Variants in LYST observed in about 807,000 individuals in gnomAD.
LYST encodes lysosomal-trafficking regulator.
In LYST, 192 loss-of-function variants were observed where a neutral mutation model predicts 413.6. That is an observed-to-expected ratio of 0.46 (90% confidence interval 0.41 to 0.52). The LOEUF (loss-of-function observed/expected upper bound fraction) is 0.52, where lower values mean the gene tolerates loss of function less well. Ranked by LOEUF, LYST falls within the 20% of genes least tolerant of loss-of-function variation. The probability of loss-of-function intolerance (pLI) is 0.00; values close to 1 mark genes in which losing one functional copy is unlikely to be tolerated. For missense variants in LYST, 3,815 were observed against 4,499.9 expected (o/e 0.85, Z 4.35); for synonymous variants, 1,525 against 1,567.3 (o/e 0.97, Z 0.64).
intron 39 of LYST, 135 bp from the exon 40 acceptor site, chr1:235,721,040 A>G (rs1263572668): frequency 5.0e-6 from 4 of 801,568 alleles, no homozygotes; most frequent in Non-Finnish European, 6.1e-6. Context: ...TCTCAGTAAC[A>G]TTAATGGGTA....
intron 16 of LYST, among the ~76,000 whole-genome samples, chr1:235,778,121 A>ATATATTTT (rs1039912155): frequency 6.9e-5 from 10 of 145,256 alleles, no homozygotes; most frequent in African/African-American, 2.7e-4. Flanking sequence ...ATATATATAT[A>ATATATTTT]TTTTTGTAGA....
chr1:235,824,627 T>C lies in LYST; in HGVS notation c.192+5599A>G, dbSNP rs117763382. Among the ~76,000 whole-genome samples, 289 of 152,342 alleles carry C rather than the reference T, an allele frequency of 1.9e-3. 2 individuals carry two copies. The highest frequency in any genetic ancestry group is 0.018 in the East Asian group (92 of 5,194). ...CTTTAACCATTAAAAAGAATGTTTTTGATATTTAAAAAGAGTATTTTCCCC... is the reference window on the plus strand; with the variant it reads ...CTTTAACCATTAAAAAGAATGTTTTCGATATTTAAAAAGAGTATTTTCCCC... On this transcript the variant is annotated intron_variant, in intron 3 of 52. Coordinates refer to ENST00000389793, the MANE Select transcript of LYST (RefSeq NM_000081.4).
chr1:235,798,977 T>C (rs967140217), intron 10 of LYST, among the ~76,000 whole-genome samples: 4 of 152,182 alleles, frequency 2.6e-5, no homozygotes, highest in Non-Finnish European at 5.9e-5. Context: ...ACTATACACT[T>C]TAAATAGGTG....
Position 235,724,156 on chromosome 1 carries a change from C to T in LYST, c.9187G>A (p.Ala3063Thr). The T allele has an allele frequency of 6.2e-7, 1 of 1,613,802 alleles. No homozygotes were observed. The highest frequency in any genetic ancestry group is 8.5e-7 in the Non-Finnish European group (1 of 1,179,798). The change falls in exon 39 of 53, where the codon GCA becomes ACA. Residue 3063 changes from alanine to threonine, a missense_variant. This residue lies in a region of LYST where 866 missense variants were observed against 1,156.0 expected (regional missense o/e 0.75). Transcript: ENST00000389793. Reference sequence around the variant, plus strand: ...TCTTCATATGTCCAGGAAAATGATGCTGGTTCCAACTCTCCCTGAAGGCTC... The same window carrying T: ...TCTTCATATGTCCAGGAAAATGATGTTGGTTCCAACTCTCCCTGAAGGCTC... ...SSSLQGELEP[A>T]SFSWTYEEIK...
At chr1:235,665,013 T>A (rs1658312429) in intron 50 of LYST, among the ~76,000 whole-genome samples, 1 of 152,044 alleles carries the variant, frequency 6.6e-6, no homozygotes, top group Admixed American at 6.5e-5. Flanking sequence ...AGGCTAGTCT[T>A]GAACTCCTGA....
chr1:235,759,336 T>C lies in LYST; in HGVS notation c.6517A>G (p.Thr2173Ala). 6.2e-7 allele frequency: 1 copy of C among 1,614,130 alleles called. No homozygotes were observed. The highest frequency in any genetic ancestry group is 8.5e-7 in the Non-Finnish European group (1 of 1,180,012). ...AGGACAGCTTCCATTTCACAAACAG[T>C]TTTTGCAGACTCACAGCTACTGATG... ...AFISSCESAKTVCEMEAVLSA... is the reference protein window; with the variant it reads ...AFISSCESAKAVCEMEAVLSA... The change falls in exon 23 of 53, where the codon ACT becomes GCT. Residue 2173 changes from threonine (T) to alanine (A), a missense_variant. Around this residue, in one of 4 missense-constraint regions of LYST, gnomAD observed 771 missense variants for 837.1 expected, o/e 0.92. Coordinates refer to ENST00000389793, the MANE Select transcript of LYST (RefSeq NM_000081.4).
Position 235,720,678 on chromosome 1 carries a change from A to T in LYST, c.9543T>A (p.Asn3181Lys). 1.2e-6 allele frequency: 2 copies of T among 1,613,808 alleles called. No individual in the cohort carries two copies. Among genetic ancestry groups the T allele is most frequent in the African/African-American group, 1.3e-5 (1 of 75,060 alleles). ...TAACTTACCTGTATATCAACAGATC[A>T]TTGAGGTCAAGTGTCTCACTAACGT... ...ADYVSETLDL[N>K]DLLIYRNLSK... Residue 3181 changes from asparagine (N) to lysine (K), a missense_variant, in exon 40 of 53, where the codon AAT becomes AAA. By Grantham distance (94) the Asn-to-Lys change is moderately conservative (BLOSUM62 0). Transcript: ENST00000389793.
chr1:235,737,918 T>G lies in LYST; in HGVS notation c.8359-3259A>C, dbSNP rs1572108092. ...AGGTGCTGGAGCCGCTGCCGACGAG[T>G]CTGGATCTCACTGCCGCGTGCCCCA... On this transcript the variant is annotated intron_variant, in intron 31 of 52. Coordinates refer to ENST00000389793, the MANE Select transcript of LYST (RefSeq NM_000081.4). 12 of 1,164,670 alleles carry G rather than the reference T, an allele frequency of 1.0e-5. No individual in the cohort carries two copies. The South Asian group carries it at 1.2e-4, about 11-fold the overall frequency. 72.1% of individuals were successfully genotyped at this position (1,164,670 alleles called of 1,614,324 possible). A position where few individuals can be genotyped will look rare whatever the true frequency, so the allele number is the denominator to read the frequency against.
intron 1 of LYST, among the ~76,000 whole-genome samples, chr1:235,845,210 A>C (rs548735607): frequency 4.6e-5 from 7 of 152,180 alleles, no homozygotes; most frequent in South Asian, 4.2e-4. Context: ...CTGAACACAC[A>C]CCCCCACTGG....
At chr1:235,877,443 T>C (rs1221260738) in intron 1 of LYST, among the ~76,000 whole-genome samples, 2 of 152,206 alleles carry the variant, frequency 1.3e-5, no homozygotes, top group Non-Finnish European at 2.9e-5. Flanking sequence ...GTTTTGCTCT[T>C]GTCGCCCAGG....
chr1:235,871,065 G>A (rs1473492433), upstream of LYST, among the ~76,000 whole-genome samples: 5 of 152,226 alleles, frequency 3.3e-5, no homozygotes, highest in Admixed American at 2.6e-4. Flanking sequence ...TAATTTTGAA[G>A]TGCTTTACCT....
chr1:235,770,976 T>A (rs1359672678), intron 19 of LYST, among the ~76,000 whole-genome samples: 1 of 152,242 alleles, frequency 6.6e-6, no homozygotes. Context: ...TTCATCTTAT[T>A]ATCCTAATTG....
At chr1:235,798,591 A>T (rs1436796830) in intron 10 of LYST, among the ~76,000 whole-genome samples, 2 of 50,968 alleles carry the variant, frequency 3.9e-5, no homozygotes, top group South Asian at 3.6e-4. Context: ...AAAAAAAAAA[A>T]AAAAAAAAAA....
intron 10 of LYST, among the ~76,000 whole-genome samples, chr1:235,798,386 C>A: frequency 6.6e-6 from 1 of 150,742 alleles, no homozygotes. Context: ...GGAAAACTGG[C>A]AGGGAGGGGT....
In LYST at chr1:235,809,739, G is replaced by A. The variant is rs1349478831; in HGVS notation, c.1079C>T (p.Ala360Val). ...TTCTAGGCATATTCTAATTTTTAAAGCTGCTCTAAGCAATTCAGTTAAATT... is the reference window on the plus strand; with the variant it reads ...TTCTAGGCATATTCTAATTTTTAAAACTGCTCTAAGCAATTCAGTTAAATT... ...RKNLTELLRA[A>V]LKIRICLEKQ... Residue 360 changes from alanine (A) to valine (V), a missense_variant, in exon 5 of 53, where the codon GCT (alanine) becomes GTT (valine). This residue lies in a region of LYST where 1,648 missense variants were observed against 1,810.3 expected (regional missense o/e 0.91). Transcript: ENST00000389793. The surrounding 1 kb of genome is among the most constrained non-coding windows in gnomAD (Gnocchi z 4.0). 4 of 1,613,822 alleles carry A rather than the reference G, an allele frequency of 2.5e-6. No individual in the cohort carries two copies. The highest frequency in any genetic ancestry group is 3.3e-4 in the Middle Eastern group (2 of 6,058).
intron 13 of LYST, among the ~76,000 whole-genome samples, chr1:235,787,891 C>T (rs1670594493): frequency 6.6e-6 from 1 of 151,956 alleles, no homozygotes. Flanking sequence ...TAGTATCATA[C>T]TATTCATACT....
intron 1 of LYST, among the ~76,000 whole-genome samples, chr1:235,874,184 C>A (rs910026283): frequency 4.6e-5 from 7 of 152,134 alleles, no homozygotes; most frequent in African/African-American, 1.7e-4. Context: ...AATTTTGCAC[C>A]ATTTCAAAAA....
Position 235,802,173 on chromosome 1 carries a change from G to A in LYST, c.3712+735C>T, listed in dbSNP as rs1000631493. On this transcript the variant is annotated intron_variant, in intron 8 of 52. Coordinates refer to ENST00000389793, the MANE Select transcript of LYST (RefSeq NM_000081.4). ...CACGCCACTGCACTCTAGCCTGGGC[G>A]ACAGAGCAAGACTCCATTTCAAAAA... Among the ~76,000 whole-genome samples, 7 of 113,558 alleles carry A rather than the reference G, an allele frequency of 6.2e-5. No individual in the cohort carries two copies. The East Asian group carries it at 1.0e-3, about 17-fold the overall frequency. 74.5% of individuals were successfully genotyped at this position (113,558 alleles called of 152,430 possible).
chr1:235,842,249 T>C (rs368850112), intron 1 of LYST, among the ~76,000 whole-genome samples: 20 of 151,934 alleles, frequency 1.3e-4, no homozygotes, highest in African/African-American at 4.6e-4. Flanking sequence ...TAAATGTTGA[T>C]AGACAAGCAG....
Sources: gnomAD v4.1 joint callset for allele counts (sites outside exome capture counted in the v4.1 genomes callset) on GRCh38, gnomAD v4.1.1 for gene constraint, gnomAD v4.1.1 regional missense constraint, Gnocchi (gnomAD v3.1) non-coding constraint, MANE v1.5 for transcripts, NCBI Gene and HGNC (gene_info 2026-07-23, HGNC 2026-07-21) for gene names.